The following CSMD1 variants were observed in gnomAD, a reference collection of about 807,000 sequenced individuals.
CSMD1 encodes CUB and sushi domain-containing protein 1.
In CSMD1, 213 loss-of-function variants were observed where a neutral mutation model predicts 417.5. That is an observed-to-expected ratio of 0.51 (90% CI 0.46 to 0.57). CSMD1 has a LOEUF of 0.57. Ranked by LOEUF, CSMD1 falls within the 20% of genes least tolerant of loss-of-function variation. The pLI, the probability that CSMD1 is intolerant of heterozygous loss-of-function variation, is 0.00. For missense variants in CSMD1, 6,923 were observed against 4,529.7 expected, an observed-to-expected ratio of 1.53 and a Z score of -15.17; for synonymous variants, 2,862 against 1,736.8, an observed-to-expected ratio of 1.65 and a Z score of -16.11.
intron 50 of CSMD1, chr8:3,043,740 C>G (rs1018859967): frequency 1.3e-5 from 2 of 152,184 alleles, no homozygotes; most frequent in African/African-American, 2.4e-5. Context: ...TTCAAGTGCT[C>G]TTCATCCAAC....
chr8:3,358,220 G>C (rs1212219585), intron 21 of CSMD1, among the ~76,000 whole-genome samples: 1 of 152,180 alleles, frequency 6.6e-6, no homozygotes, highest in East Asian at 1.9e-4. Flanking sequence ...TCGTATTCTG[G>C]ACTCCCCATG....
At chr8:3,354,939 A>AGATATGTCTATC (rs1808679174) in intron 21 of CSMD1, among the ~76,000 whole-genome samples, 1 of 143,394 alleles carries the variant, frequency 7.0e-6, no homozygotes, top group African/African-American at 2.9e-5. Flanking sequence ...ATATAGATAT[A>AGATATGTCTATC]TATAGAGAGA....
chr8:4,870,207 C>G lies in CSMD1; in HGVS notation c.85+124125G>C, dbSNP rs141205395. Among the ~76,000 whole-genome samples the G allele has an allele frequency of 1.2e-3, 190 of 152,066 alleles. 3 individuals carry two copies. Among genetic ancestry groups the G allele is most frequent in the African/African-American group, 4.3e-3 (180 of 41,438 alleles). ...ATAATGAAAAAATAACTGTTAATTC[C>G]CTGGTCCTTCTTCATCCCACAACTC... On this transcript the variant is annotated intron_variant, in intron 1 of 69. Transcript: ENST00000635120.
intron 10 of CSMD1, among the ~76,000 whole-genome samples, chr8:3,524,580 T>G (rs1158123764): frequency 1.4e-5 from 2 of 145,422 alleles, no homozygotes; most frequent in Non-Finnish European, 3.0e-5. Context: ...CAGACACTTA[T>G]GCACACACAA....
intron 3 of CSMD1, among the ~76,000 whole-genome samples, chr8:4,209,350 A>T (rs1800165644): frequency 6.6e-6 from 1 of 152,166 alleles, no homozygotes; most frequent in Non-Finnish European, 1.5e-5. Context: ...GACAGAAAGA[A>T]TTCCAAAGGA....
At chr8:4,153,996 T>C (rs1369050361) in intron 3 of CSMD1, among the ~76,000 whole-genome samples, 2 of 152,216 alleles carry the variant, frequency 1.3e-5, no homozygotes, top group East Asian at 1.9e-4. Context: ...AATCCAATGA[T>C]AGCTTTCCAT....
Position 4,802,071 on chromosome 8 carries a change from A to T in CSMD1, c.86-164513T>A, listed in dbSNP as rs1037343044. Among the ~76,000 whole-genome samples the T allele has an allele frequency of 3.3e-5, 5 of 152,316 alleles. No homozygotes were observed. The South Asian group carries it at 1.0e-3, about 32-fold the overall frequency. On this transcript the variant is annotated intron_variant, in intron 1 of 69. Transcript: ENST00000635120. ...GGACGTAGCTATATAGCCTAGTTGA[A>T]GTTGATGACATATAGAAAATATTAA...
chr8:3,494,247 T>C (rs1302991195), intron 10 of CSMD1, among the ~76,000 whole-genome samples: 2 of 152,216 alleles, frequency 1.3e-5, no homozygotes, highest in African/African-American at 4.8e-5. Context: ...TTTGTTTGTT[T>C]TTTTACAAAG....
intron 6 of CSMD1, among the ~76,000 whole-genome samples, chr8:3,731,718 C>T (rs1030018144): frequency 6.6e-6 from 1 of 152,088 alleles, no homozygotes; most frequent in African/African-American, 2.4e-5. Flanking sequence ...AGGCTTAGAG[C>T]ACAGAATTTA....
chr8:4,034,770 G>C (rs1440046770), intron 3 of CSMD1, among the ~76,000 whole-genome samples: 5 of 152,082 alleles, frequency 3.3e-5, no homozygotes, highest in African/African-American at 1.2e-4. Flanking sequence ...TCTTCTTAGG[G>C]TCATTATTAT....
chr8:3,872,778 G>A (rs188530945), intron 5 of CSMD1, among the ~76,000 whole-genome samples: 220 of 149,126 alleles, frequency 1.5e-3, no homozygotes, highest in African/African-American at 4.9e-3. Context: ...CTACCCATCC[G>A]ACAAAGATCT....
chr8:4,550,028 G>C (rs1797801346), intron 2 of CSMD1, among the ~76,000 whole-genome samples: 1 of 151,490 alleles, frequency 6.6e-6, no homozygotes, highest in East Asian at 1.9e-4. Flanking sequence ...GAGGAGAAAA[G>C]TGGCTGCAGC....
chr8:2,941,896 C>G (rs780709865), intron 69 of CSMD1, among the ~76,000 whole-genome samples: 4 of 152,040 alleles, frequency 2.6e-5, no homozygotes, highest in Non-Finnish European at 5.9e-5. Flanking sequence ...CATCGTTGGC[C>G]ATGGAGCCTG....
At chr8:3,768,771 G>C (rs1798419701) in intron 5 of CSMD1, among the ~76,000 whole-genome samples, 1 of 152,204 alleles carries the variant, frequency 6.6e-6, no homozygotes, top group South Asian at 2.1e-4. Flanking sequence ...CACACTCTCA[G>C]AAATCGTAAG....
chr8:4,624,530 A>T (rs560943132), intron 2 of CSMD1, among the ~76,000 whole-genome samples: 4 of 152,128 alleles, frequency 2.6e-5, no homozygotes, highest in Non-Finnish European at 5.9e-5. Context: ...TTTGGCCTGC[A>T]CTGGAATTTA....
At chr8:3,638,707 G>A (rs1014540648) in intron 7 of CSMD1, among the ~76,000 whole-genome samples, 1 of 152,130 alleles carries the variant, frequency 6.6e-6, no homozygotes, top group South Asian at 2.1e-4. Context: ...TGGGCAAAAG[G>A]CTTGTGGTCA....
Position 4,385,678 on chromosome 8 carries a change from A to G in CSMD1, c.415+34275T>C, listed in dbSNP as rs971101344. ...ATCCTGTAGGCATTATCCAAAGCAC[A>G]TGCTAAAAATAGTAATATAGTATTT... On this transcript the variant is annotated intron_variant, in intron 3 of 69. Transcript: ENST00000635120. Among the ~76,000 whole-genome samples, 3 of 152,212 alleles carry G rather than the reference A, an allele frequency of 2.0e-5. No homozygotes were observed. In the East Asian group the frequency reaches 5.8e-4, roughly 29 times the overall value.
chr8:4,358,454 G>C (rs970116271), intron 3 of CSMD1, among the ~76,000 whole-genome samples: 26 of 152,168 alleles, frequency 1.7e-4, no homozygotes, highest in African/African-American at 6.0e-4. Context: ...AGTCGGCCTG[G>C]GGGGAGCTGC....
In CSMD1 at chr8:3,201,741, T is replaced by C. The variant is rs1045083720; in HGVS notation, c.4985-16A>G. The C allele has an allele frequency of 1.3e-6, 2 of 1,494,598 alleles. No individual in the cohort carries two copies. Among genetic ancestry groups the C allele is most frequent in the East Asian group, 2.3e-5 (1 of 42,804 alleles). 92.6% of individuals were successfully genotyped at this position (1,494,598 alleles called of 1,614,324 possible). A position where few individuals can be genotyped will look rare whatever the true frequency, so the allele number is the denominator to read the frequency against. On this transcript the variant is annotated splice_polypyrimidine_tract_variant and intron_variant, in intron 31 of 69. Transcript: ENST00000635120. ...CCAAAGACCACTAAAAAATAAGAGG[T>C]GGGATGTTGGCACAAGATGCTCTAA...
Sources: allele counts gnomAD v4.1 joint callset (sites outside exome capture counted in the v4.1 genomes callset), GRCh38; gene constraint gnomAD v4.1.1; transcripts MANE v1.5; gene names NCBI Gene and HGNC (gene_info 2026-07-23, HGNC 2026-07-21).